The following LMNB2 variants were observed in gnomAD, a reference collection of about 807,000 sequenced individuals.
LMNB2 encodes the protein lamin-B2.
LMNB2 carries 17 observed loss-of-function variants against 69.3 expected under a neutral mutation model. The observed-to-expected ratio is 0.25, with a 90% CI of 0.17 to 0.37. The LOEUF is 0.37. LMNB2 is among the 10% of genes least tolerant of loss of function. The probability of loss-of-function intolerance (pLI) is 1.00; values close to 1 mark genes in which losing one functional copy is unlikely to be tolerated. For missense variants in LMNB2, 789 were observed against 883.6 expected (o/e 0.89, Z 1.36); for synonymous variants, 397 against 389.3 (o/e 1.02, Z -0.23).
At chr19:2,441,090 A>G (rs1971894695) in intron 2 of LMNB2, among the ~76,000 whole-genome samples, 1 of 152,268 alleles carries the variant, frequency 6.6e-6, no homozygotes. Context: ...ATGGTCGGAC[A>G]GGCATACCCT....
chr19:2,455,782 C>A (rs1361630705), intron 1 of LMNB2, among the ~76,000 whole-genome samples: 1 of 151,864 alleles, frequency 6.6e-6, no homozygotes, highest in African/African-American at 2.4e-5. Flanking sequence ...GTGGGCAGGG[C>A]CTGCCCAGGT....
rs567431692 is a variant in LMNB2, at chr19:2,443,795, G to A, written c.401+609C>T. Among the ~76,000 whole-genome samples, 14 of 152,174 alleles carry A rather than the reference G, an allele frequency of 9.2e-5. No homozygotes were observed. The highest frequency in any genetic ancestry group is 6.6e-4 in the Admixed American group (10 of 15,266). On this transcript the variant is annotated intron_variant, in intron 2 of 11. Coordinates refer to ENST00000325327, the MANE Select transcript of LMNB2 (RefSeq NM_032737.4). This position sits in a 1 kb window ranked among gnomAD's most constrained non-coding sequence, Gnocchi z 6.2. ...TCATCATCGTTCTGTTTAAATTGCC[G>A]CCCAACCACATCCCACGCCCAGAAT...
Position 2,433,943 on chromosome 19 carries a change from G to A in LMNB2, c.1365C>T (p.Gly455=). The change falls in exon 8 of 12, where the codon GGC becomes GGT. Residue 455 remains glycine (G), a synonymous_variant. Coordinates refer to ENST00000325327, the MANE Select transcript of LMNB2 (RefSeq NM_032737.4). The stretch of plus-strand genomic sequence containing the variant: ...GGTGGAAGCCACCGCTGCCACCCGT[G>A]CCCGTGCCCAGGACGCTTGGGCCGC... ...LGSGPSVLGT[G]TGGSGGFHLA... 6.2e-7 allele frequency: 1 copy of A among 1,612,180 alleles called. No individual in the cohort carries two copies. Among genetic ancestry groups the A allele is most frequent in the South Asian group, 1.1e-5 (1 of 91,060 alleles).
At position 2,443,252 on chromosome 19, in the gene LMNB2, C is replaced by T. The variant is rs993398339; in HGVS notation, c.401+1152G>A. 2.0e-5 allele frequency among the ~76,000 whole-genome samples: 3 copies of T among 152,130 alleles called. No homozygotes were observed. Among genetic ancestry groups the T allele is most frequent in the Admixed American group, 1.3e-4 (2 of 15,276 alleles). On this transcript the variant is annotated intron_variant, in intron 2 of 11. Coordinates refer to ENST00000325327, the MANE Select transcript of LMNB2 (RefSeq NM_032737.4). This position sits in a 1 kb window ranked among gnomAD's most constrained non-coding sequence, Gnocchi z 6.2. ...GAGCCCCAGGCCCCGGGCAGGCGGG[C>T]GGTGGTCCCTGGGCTGACCTGGAGG...
rs192009541 is a variant in LMNB2, at chr19:2,440,268, G to A, written c.402-1737C>T. Among the ~76,000 whole-genome samples the A allele has an allele frequency of 2.7e-5, 4 of 149,292 alleles. No homozygotes were observed. In the Admixed American group the frequency reaches 2.7e-4, roughly 10 times the overall value. On this transcript the variant is annotated intron_variant, in intron 2 of 11. Transcript: ENST00000325327. ...TGCAATGGTGCGATCTCGGTTCACT[G>A]CAACCTCCACCTCCCGGGTTCAAGC...
chr19:2,439,896 G>A (rs535263049), intron 2 of LMNB2, among the ~76,000 whole-genome samples: 3 of 152,034 alleles, frequency 2.0e-5, no homozygotes, highest in Admixed American at 6.5e-5. Context: ...ACCAGCGTCC[G>A]CTAATTTTTT....
intron 1 of LMNB2, among the ~76,000 whole-genome samples, chr19:2,445,940 A>C (rs1375161946): frequency 1.9e-3 from 22 of 11,514 alleles, no homozygotes; most frequent in Admixed American, 8.1e-3. Context: ...TGCCCCCCCC[A>C]ACCAGCCGCC....
chr19:2,438,649 A>G (rs1353700316), intron 2 of LMNB2, 118 bp from the exon 3 acceptor site: 2 of 1,280,330 alleles, frequency 1.6e-6, no homozygotes, highest in African/African-American at 3.0e-5. Context: ...CGAGCCCCAG[A>G]CCTTCCCGTC....
At chr19:2,454,649 G>A (rs546573707) in intron 1 of LMNB2, among the ~76,000 whole-genome samples, 2 of 152,212 alleles carry the variant, frequency 1.3e-5, no homozygotes, top group Non-Finnish European at 2.9e-5. Context: ...CTCCAGATGG[G>A]CGAGTGGGGA....
chr19:2,456,663 C>G lies in LMNB2; in HGVS notation c.264+7G>C. 1.3e-6 allele frequency: 2 copies of G among 1,517,824 alleles called. No individual in the cohort carries two copies. The highest frequency in any genetic ancestry group is 2.0e-5 in the Admixed American group (1 of 50,458). 94.0% of individuals were successfully genotyped at this position (1,517,824 alleles called of 1,614,324 possible). A position where few individuals can be genotyped will look rare whatever the true frequency, so the allele number is the denominator to read the frequency against. ...CCCCCGCCCGGCCCCTAAGCCCCGG[C>G]GCCCACCTCGCGCGTGGTCACCTCC... On this transcript the variant is annotated splice_region_variant and intron_variant, in intron 1 of 11. Coordinates refer to ENST00000325327, the MANE Select transcript of LMNB2 (RefSeq NM_032737.4).
At position 2,435,141 on chromosome 19, in the gene LMNB2, G is replaced by T; in HGVS notation, c.715C>A (p.Arg239=). 6.2e-7 allele frequency: 1 copy of T among 1,604,970 alleles called. No individual in the cohort carries two copies. ...EVRETRRRHE[R]RLVEVDSSRQ... ...CTGCTGTCCACCTCCACCAGGCGCC[G>T]CTCGTGCCGCCGCCGCGTCTCCCGC... is the stretch of plus-strand genomic sequence containing the variant. The change falls in exon 5 of 12, where the codon CGG becomes AGG. Residue 239 remains arginine (R), a synonymous_variant. Coordinates refer to ENST00000325327, the MANE Select transcript of LMNB2 (RefSeq NM_032737.4).
chr19:2,440,596 G>A (rs1381345505), intron 2 of LMNB2, among the ~76,000 whole-genome samples: 1 of 147,344 alleles, frequency 6.8e-6, no homozygotes, highest in Non-Finnish European at 1.5e-5. Flanking sequence ...CCACTCATCT[G>A]TCCATCTATC....
chr19:2,435,195 C>T lies in LMNB2; in HGVS notation c.685-24G>A, dbSNP rs759658407. On this transcript the variant is annotated intron_variant, in intron 4 of 11. Coordinates refer to ENST00000325327, the MANE Select transcript of LMNB2 (RefSeq NM_032737.4). ...TCCTGCGGACCAAGGCTTCGTGACCCTCTGGTCCCGCCTGGGCCCCAAGCA... is the reference window on the plus strand; with the variant it reads ...TCCTGCGGACCAAGGCTTCGTGACCTTCTGGTCCCGCCTGGGCCCCAAGCA... 8 of 1,598,202 alleles carry T rather than the reference C, an allele frequency of 5.0e-6. No individual in the cohort carries two copies. In the South Asian group the frequency reaches 6.6e-5, roughly 13 times the overall value.
rs1171355171 is a variant in LMNB2 at position 2,453,984 on chromosome 19, G to A, written c.264+2686C>T. Among the ~76,000 whole-genome samples, 2 of 152,170 alleles carry A rather than the reference G, an allele frequency of 1.3e-5. No individual in the cohort carries two copies. Among genetic ancestry groups the A allele is most frequent in the Non-Finnish European group, 2.9e-5 (2 of 68,032 alleles). On this transcript the variant is annotated intron_variant, in intron 1 of 11. Coordinates refer to ENST00000325327, the MANE Select transcript of LMNB2 (RefSeq NM_032737.4). The surrounding 1 kb of genome is among the most constrained non-coding windows in gnomAD (Gnocchi z 4.4). ...CAAGAGACACAGGGGCCTGCCCAAA[G>A]CCACACTAATTGAAAAGCAGGGGAC...
rs1017710761 is a variant in LMNB2 at position 2,434,685 on chromosome 19, T to C, written c.981+103A>G. On this transcript the variant is annotated intron_variant, in intron 6 of 11. Transcript: ENST00000325327. ...GGGCATCGCTGGGCGCCCCGAGGGCTGCATCCGATGCCAAGAGGCCAGAGC... is the reference window on the plus strand; with the variant it reads ...GGGCATCGCTGGGCGCCCCGAGGGCCGCATCCGATGCCAAGAGGCCAGAGC... 1.1e-5 allele frequency: 16 copies of C among 1,515,906 alleles called. No homozygotes were observed. In the African/African-American group the frequency reaches 2.1e-4, roughly 20 times the overall value. 93.9% of individuals were successfully genotyped at this position (1,515,906 alleles called of 1,614,324 possible). A position where few individuals can be genotyped will look rare whatever the true frequency, so the allele number is the denominator to read the frequency against.
In LMNB2 at chr19:2,432,491, C is replaced by A. The variant is rs1971753890; in HGVS notation, c.1515G>T (p.Arg505Ser). 6.2e-7 allele frequency: 1 copy of A among 1,613,800 alleles called. No homozygotes were observed. Among genetic ancestry groups the A allele is most frequent in the Non-Finnish European group, 8.5e-7 (1 of 1,179,934 alleles). The change falls in exon 9 of 12, where the codon AGG becomes AGT. Residue 505 changes from arginine to serine, a missense_variant. By Grantham distance (110) the Arg-to-Ser change is moderately radical (BLOSUM62 -1). Around this residue, in one of 3 missense-constraint regions of LMNB2, gnomAD observed 609 missense variants for 630.9 expected, o/e 0.97. Transcript: ENST00000325327. ...CGATCTCCTCCCCCTCCAAGACCTG[C>A]CTCTTGATTCTCCAGTTCCCCAGAG... The part of the protein sequence containing the change: ...DQSLGNWRIK[R>S]QVLEGEEIAY...
rs1025237242 is a variant in LMNB2 at position 2,447,891 on chromosome 19, C to T, written c.265-3351G>A. Among the ~76,000 whole-genome samples the T allele has an allele frequency of 3.3e-5, 5 of 152,196 alleles. No homozygotes were observed. The highest frequency in any genetic ancestry group is 6.5e-5 in the Admixed American group (1 of 15,278). ...TCAGAGTCTCAGGCTGCCCCAGCAC[C>T]GCAGCTCCAAGTCCCGTCAGCCTAC... On this transcript the variant is annotated intron_variant, in intron 1 of 11. Coordinates refer to ENST00000325327, the MANE Select transcript of LMNB2 (RefSeq NM_032737.4). The surrounding 1 kb of genome is among the most constrained non-coding windows in gnomAD (Gnocchi z 4.4).
At position 2,428,215 on chromosome 19, in the gene LMNB2, A is replaced by AAAAATACATAAAAGTACAT. The variant is rs1212179680; in HGVS notation, c.*2695_*2696insATGTACTTTTATGTATTTT. The AAAAATACATAAAAGTACAT allele has an allele frequency of 6.6e-6, 1 of 151,802 alleles. No individual in the cohort carries two copies. Among genetic ancestry groups the AAAAATACATAAAAGTACAT allele is most frequent in the African/African-American group, 2.4e-5 (1 of 41,160 alleles). 9.4% of individuals were successfully genotyped at this position (151,802 alleles called of 1,614,324 possible). On this transcript the variant is annotated 3_prime_UTR_variant, in exon 12 of 12. Coordinates refer to ENST00000325327, the MANE Select transcript of LMNB2 (RefSeq NM_032737.4). ...GTTGTACAAAAAAGTTTCCAGTCAT[A>AAAAATACATAAAAGTACAT]AAATGTATATTACAAATCATTGGAA...
rs531132644 is a variant in LMNB2, at chr19:2,437,364, C to T, written c.684+799G>A. ...CAAGGAGGCCCTGTGGGAGGCTGGA[C>T]GGTGGCACCCAGAAGATGCACCTGA... On this transcript the variant is annotated intron_variant, in intron 4 of 11. Coordinates refer to ENST00000325327, the MANE Select transcript of LMNB2 (RefSeq NM_032737.4). Among the ~76,000 whole-genome samples, 7 of 152,372 alleles carry T rather than the reference C, an allele frequency of 4.6e-5. No individual in the cohort carries two copies. In the South Asian group the frequency reaches 1.0e-3, roughly 23 times the overall value.
Sources: allele counts gnomAD v4.1 joint callset (sites outside exome capture counted in the v4.1 genomes callset), GRCh38; gene constraint gnomAD v4.1.1; regional missense constraint gnomAD v4.1.1; non-coding constraint Gnocchi (gnomAD v3.1); transcripts MANE v1.5; gene names NCBI Gene and HGNC (gene_info 2026-07-23, HGNC 2026-07-21).